SLC7A14: variants seen among roughly 807,000 people sequenced by gnomAD.
SLC7A14 encodes solute carrier family 7 member 14.
A neutral mutation model predicts 60.2 loss-of-function variants in SLC7A14; 37 were observed. The observed-to-expected ratio is 0.61, with a 90% CI of 0.47 to 0.81. The LOEUF (loss-of-function observed/expected upper bound fraction) is 0.81. Among genes scored for constraint, SLC7A14 ranks in the 30% least tolerant of loss-of-function variants. SLC7A14 has a pLI of 0.00. For missense variants in SLC7A14, 886 were observed against 982.7 expected (o/e 0.90, Z 1.32); for synonymous variants, 399 against 395.8 (o/e 1.01, Z -0.10).
chr3:170,530,248 G>C (rs550538894), intron 1 of SLC7A14, among the ~76,000 whole-genome samples: 219 of 152,326 alleles, frequency 1.4e-3, no homozygotes, highest in African/African-American at 5.1e-3. Flanking sequence ...AAAGAAGCCA[G>C]TTGTACCAGA....
intron 4 of SLC7A14, among the ~76,000 whole-genome samples, chr3:170,493,159 C>G (rs1712273229): frequency 6.6e-6 from 1 of 152,184 alleles, no homozygotes; most frequent in African/African-American, 2.4e-5. Context: ...CAGCAATGTT[C>G]AAGGGCTGAG....
chr3:170,562,732 T>A (rs1714688184), intron 1 of SLC7A14, among the ~76,000 whole-genome samples: 1 of 152,176 alleles, frequency 6.6e-6, no homozygotes, highest in Non-Finnish European at 1.5e-5. Context: ...GCTGCAGCCT[T>A]GCTACAAGAA....
intron 4 of SLC7A14, among the ~76,000 whole-genome samples, chr3:170,491,716 G>A (rs1271655944): frequency 1.3e-5 from 2 of 152,160 alleles, no homozygotes; most frequent in Non-Finnish European, 2.9e-5. Flanking sequence ...GTGGTGCCAA[G>A]GTTGGGAGGC....
chr3:170,559,330 G>T (rs1387899031), intron 1 of SLC7A14, among the ~76,000 whole-genome samples: 2 of 152,092 alleles, frequency 1.3e-5, no homozygotes, highest in African/African-American at 4.8e-5. Context: ...AATCAGAAGA[G>T]CTAATCGATT....
chr3:170,577,447 T>A (rs1186911388), intron 1 of SLC7A14, among the ~76,000 whole-genome samples: 1 of 149,636 alleles, frequency 6.7e-6, no homozygotes, highest in Non-Finnish European at 1.5e-5. Flanking sequence ...TGAAACCCCG[T>A]CTCTACTAAA....
At chr3:170,531,315 A>C (rs1376969736) in intron 1 of SLC7A14, among the ~76,000 whole-genome samples, 1 of 151,974 alleles carries the variant, frequency 6.6e-6, no homozygotes, top group East Asian at 1.9e-4. Flanking sequence ...TGGAGGCGGC[A>C]CTGTCTGGAG....
chr3:170,467,498 G>A, intron 7 of SLC7A14, 121 bp from the exon 8 acceptor site: 1 of 595,110 alleles, frequency 1.7e-6, no homozygotes, highest in Non-Finnish European at 2.6e-6. Flanking sequence ...GTGGGGGCGG[G>A]GATGTATTTT....
intron 2 of SLC7A14, among the ~76,000 whole-genome samples, chr3:170,514,696 A>C (rs1165812774): frequency 6.6e-6 from 1 of 152,148 alleles, no homozygotes; most frequent in Admixed American, 6.5e-5. Context: ...AGTGAGTAGG[A>C]GGCAAGTCTA....
At chr3:170,515,328 AAAT>A (rs200264185) in intron 2 of SLC7A14, among the ~76,000 whole-genome samples, 2,260 of 136,086 alleles carry the variant, frequency 0.017, 58 homozygotes, top group African/African-American at 0.062. Context: ...CCCAAAAAAA[AAAT>A]ATATATATAT....
chr3:170,547,103 C>G (rs1296200053), intron 1 of SLC7A14, among the ~76,000 whole-genome samples: 2 of 152,038 alleles, frequency 1.3e-5, no homozygotes, highest in African/African-American at 4.8e-5. Context: ...GTAAGATTGT[C>G]AAGACACCAT....
intron 1 of SLC7A14, chr3:170,570,074 T>C (rs1193966352): frequency 6.6e-6 from 1 of 152,184 alleles, no homozygotes; most frequent in African/African-American, 2.4e-5. Flanking sequence ...TAATGACTGA[T>C]CTCCTCTTGA....
At chr3:170,584,576 G>A (rs1715323772) in intron 1 of SLC7A14, among the ~76,000 whole-genome samples, 1 of 152,148 alleles carries the variant, frequency 6.6e-6, no homozygotes, top group South Asian at 2.1e-4. Flanking sequence ...GCAGAAAACC[G>A]GGAAAGGCAA....
rs1712024151 is a variant in SLC7A14, at chr3:170,486,235, G to A, written c.893C>T (p.Thr298Ile). 1 of 1,614,178 alleles carries A rather than the reference G, an allele frequency of 6.2e-7. No homozygotes were observed. Among genetic ancestry groups the A allele is most frequent in the Admixed American group, 1.7e-5 (1 of 60,012 alleles). The change falls in exon 5 of 8, where the codon ACA (threonine) becomes ATA (isoleucine). Residue 298 changes from threonine (T) to isoleucine (I), a missense_variant. Coordinates refer to ENST00000231706, the MANE Select transcript of SLC7A14 (RefSeq NM_020949.3). ...TCTGGTACTTACAGACACATATGCT[G>A]TCAGGCAGATGACCAGGGAGGCAGT... The part of the protein sequence containing the change: ...AITASLVICL[T>I]AYVSVSVILT...
At chr3:170,472,609 A>G (rs1279241590) in intron 7 of SLC7A14, among the ~76,000 whole-genome samples, 1 of 151,996 alleles carries the variant, frequency 6.6e-6, no homozygotes, top group African/African-American at 2.4e-5. Flanking sequence ...ACTAAAAAAT[A>G]CAAAAAAATT....
At chr3:170,510,502 C>T (rs564646141) in intron 2 of SLC7A14, among the ~76,000 whole-genome samples, 4 of 152,084 alleles carry the variant, frequency 2.6e-5, no homozygotes, top group African/African-American at 9.6e-5. Context: ...ATTGAAGGTA[C>T]AGTCTCTATA....
chr3:170,489,282 T>C (rs1341538572), intron 4 of SLC7A14, among the ~76,000 whole-genome samples: 2 of 152,130 alleles, frequency 1.3e-5, no homozygotes, highest in African/African-American at 2.4e-5. Flanking sequence ...AATAATCTGA[T>C]TTAAAAAATG....
intron 2 of SLC7A14, among the ~76,000 whole-genome samples, chr3:170,514,244 G>A (rs1490444982): frequency 2.0e-5 from 3 of 152,228 alleles, no homozygotes; most frequent in Non-Finnish European, 4.4e-5. Context: ...GCTGTGATCA[G>A]CGAGTTAGAC....
chr3:170,546,832 G>T (rs1184771000), intron 1 of SLC7A14, among the ~76,000 whole-genome samples: 1 of 152,146 alleles, frequency 6.6e-6, no homozygotes, highest in African/African-American at 2.4e-5. Flanking sequence ...TTGTTGGTGA[G>T]AGCTGTGGCA....
chr3:170,580,712 C>T (rs1715211425), intron 1 of SLC7A14, among the ~76,000 whole-genome samples: 1 of 152,148 alleles, frequency 6.6e-6, no homozygotes, highest in Non-Finnish European at 1.5e-5. Context: ...TGCCCTTGGT[C>T]ATACTCAGCT....
Sources: allele counts gnomAD v4.1 joint callset (sites outside exome capture counted in the v4.1 genomes callset), GRCh38; gene constraint gnomAD v4.1.1; transcripts MANE v1.5; gene names NCBI Gene and HGNC (gene_info 2026-07-23, HGNC 2026-07-21).